Variants in OXCT1 observed in about 807,000 individuals in gnomAD.
OXCT1 encodes the protein succinyl-CoA:3-ketoacid coenzyme A transferase 1, mitochondrial.
A neutral mutation model predicts 69.6 loss-of-function variants in OXCT1; 27 were observed. The observed-to-expected ratio is 0.39, with a 90% CI of 0.29 to 0.54. OXCT1 has a LOEUF of 0.54. OXCT1 is among the 20% of genes least tolerant of loss of function. The pLI is 0.72. For missense variants in OXCT1, 437 were observed against 650.2 expected, an observed-to-expected ratio of 0.67 and a Z score of 3.57; for synonymous variants, 202 against 217.8, an observed-to-expected ratio of 0.93 and a Z score of 0.64.
At chr5:41,794,323 CTG>C (rs1746074312) in intron 12 of OXCT1, 1 of 596,466 alleles carries the variant, frequency 1.7e-6, no homozygotes, top group Non-Finnish European at 3.0e-6. Context: ...CACAGGAAGA[CTG>C]TTTCCTTCAG....
chr5:41,802,650 A>G (rs1746476166), intron 10 of OXCT1, among the ~76,000 whole-genome samples: 1 of 151,978 alleles, frequency 6.6e-6, no homozygotes, highest in Non-Finnish European at 1.5e-5. Context: ...ACTATTGACA[A>G]CCTTCATTAT....
At chr5:41,811,327 AATAG>A (rs1207770679) in intron 7 of OXCT1, among the ~76,000 whole-genome samples, 3 of 152,066 alleles carry the variant, frequency 2.0e-5, no homozygotes, top group Non-Finnish European at 2.9e-5. Flanking sequence ...TAGCATAAAG[AATAG>A]ATAAATATGG....
rs1353310860 is a variant in OXCT1, at chr5:41,731,551, T to C, written c.*178A>G. The C allele has an allele frequency of 1.9e-6, 2 of 1,031,022 alleles. No homozygotes were observed. The highest frequency in any genetic ancestry group is 1.4e-6 in the Non-Finnish European group (1 of 719,466). 63.9% of individuals were successfully genotyped at this position (1,031,022 alleles called of 1,614,324 possible). A position where few individuals can be genotyped will look rare whatever the true frequency, so the allele number is the denominator to read the frequency against. On this transcript the variant is annotated 3_prime_UTR_variant, in exon 17 of 17. Transcript: ENST00000196371. ...AATTATAAATGCTCCTTTTGCTTTT[T>C]ATTAAAATGTCACAGCATGCCTAGA...
At position 41,846,490 on chromosome 5, in the gene OXCT1, C is replaced by T. The variant is rs1229934785; in HGVS notation, c.564+3540G>A. Among the ~76,000 whole-genome samples, 854 of 149,018 alleles carry T rather than the reference C, an allele frequency of 5.7e-3. 7 individuals are homozygous for T. The highest frequency in any genetic ancestry group is 0.02 in the African/African-American group (813 of 40,476). On this transcript the variant is annotated intron_variant, in intron 5 of 16. Transcript: ENST00000196371. ...CATTTTTTATGGCTGCATAGTATTC[C>T]ATGGTGTATATGTGCCACATTTTCT...
chr5:41,770,002 C>CG (rs1259203650), intron 13 of OXCT1, among the ~76,000 whole-genome samples: 1 of 152,120 alleles, frequency 6.6e-6, no homozygotes, highest in East Asian at 1.9e-4. Flanking sequence ...TCAGGTGATC[C>CG]GCCTGCCTTG....
chr5:41,861,919 C>A (rs543688212), intron 2 of OXCT1, among the ~76,000 whole-genome samples: 14 of 152,216 alleles, frequency 9.2e-5, no homozygotes, highest in African/African-American at 2.6e-4. Flanking sequence ...TTATCAGAAG[C>A]AGGCAGCAAG....
At chr5:41,813,663 C>T (rs1747092573) in intron 7 of OXCT1, among the ~76,000 whole-genome samples, 1 of 152,062 alleles carries the variant, frequency 6.6e-6, no homozygotes, top group Non-Finnish European at 1.5e-5. Context: ...AGAAGACAGT[C>T]TGACGCTCAT....
At chr5:41,862,492 C>T (rs1198703863) in intron 2 of OXCT1, 150 bp downstream of exon 2, 9 of 575,264 alleles carry the variant, frequency 1.6e-5, no homozygotes, top group Admixed American at 8.6e-5. Context: ...GAAGGAGACA[C>T]TAATAAAATA....
At chr5:41,842,532 C>T (rs1013105728) in intron 6 of OXCT1, 143 bp downstream of exon 6, 16 of 717,246 alleles carry the variant, frequency 2.2e-5, no homozygotes, top group Non-Finnish European at 3.9e-5. Flanking sequence ...AGCAGCCCTG[C>T]ACACACCTAT....
At chr5:41,751,554 A>G (rs1743788179) in intron 14 of OXCT1, among the ~76,000 whole-genome samples, 1 of 152,122 alleles carries the variant, frequency 6.6e-6, no homozygotes, top group Admixed American at 6.6e-5. Context: ...CCACATGCCC[A>G]TGCTTCTCCA....
At chr5:41,836,798 G>T (rs1156690755) in intron 7 of OXCT1, among the ~76,000 whole-genome samples, 38 of 152,294 alleles carry the variant, frequency 2.5e-4, no homozygotes, top group Non-Finnish European at 1.3e-4. Flanking sequence ...GTGCGGCCCA[G>T]TTCCTAACAG....
At chr5:41,840,585 TTA>T (rs1398612961) in intron 6 of OXCT1, 74 bp from the exon 7 acceptor site, 1 of 857,168 alleles carries the variant, frequency 1.2e-6, no homozygotes, top group African/African-American at 1.7e-5. Flanking sequence ...CTTTAAGGTT[TTA>T]TAGATTAGAA....
At chr5:41,856,057 C>T (rs538841551) in intron 3 of OXCT1, among the ~76,000 whole-genome samples, 15 of 152,286 alleles carry the variant, frequency 9.8e-5, no homozygotes, top group African/African-American at 3.6e-4. Flanking sequence ...CAGTTGTGAT[C>T]AGCCTTGTGG....
intron 13 of OXCT1, among the ~76,000 whole-genome samples, chr5:41,766,581 AAACAAC>A (rs956708462): frequency 2.6e-5 from 4 of 151,000 alleles, no homozygotes; most frequent in African/African-American, 7.4e-5. Context: ...AAAAAAAAAA[AAACAAC>A]AACAACAACA....
chr5:41,856,905 T>C (rs1200387610), intron 3 of OXCT1, among the ~76,000 whole-genome samples: 3 of 152,160 alleles, frequency 2.0e-5, no homozygotes, highest in Non-Finnish European at 2.9e-5. Flanking sequence ...ATGCACACAA[T>C]GCCTTCTGAG....
chr5:41,864,163 G>A (rs1381415510), intron 1 of OXCT1, among the ~76,000 whole-genome samples: 5 of 152,126 alleles, frequency 3.3e-5, no homozygotes, highest in African/African-American at 1.2e-4. Context: ...AAACAAGAAA[G>A]CAGATTCTGT....
At chr5:41,753,310 G>GACACAC (rs56169527) in intron 14 of OXCT1, among the ~76,000 whole-genome samples, 30 of 150,000 alleles carry the variant, frequency 2.0e-4, no homozygotes, top group South Asian at 6.4e-4. Flanking sequence ...CACACACATA[G>GACACAC]ACACACACAC....
chr5:41,745,324 G>C (rs1250063285), intron 15 of OXCT1, among the ~76,000 whole-genome samples: 7 of 151,998 alleles, frequency 4.6e-5, no homozygotes, highest in Admixed American at 1.3e-4. Context: ...CGAAATGAAG[G>C]CAGAAATAAA....
At chr5:41,774,136 G>T (rs1006823413) in intron 13 of OXCT1, among the ~76,000 whole-genome samples, 15 of 152,132 alleles carry the variant, frequency 9.9e-5, no homozygotes, top group Non-Finnish European at 1.3e-4. Context: ...TTAATCCTAA[G>T]AATGCCATTT....
Sources: gnomAD v4.1 joint callset for allele counts (sites outside exome capture counted in the v4.1 genomes callset) on GRCh38, gnomAD v4.1.1 for gene constraint, MANE v1.5 for transcripts, NCBI Gene and HGNC (gene_info 2026-07-23, HGNC 2026-07-21) for gene names.